Variants in FSHR observed in about 807,000 individuals in gnomAD.
FSHR encodes the protein follicle stimulating hormone receptor.
A neutral mutation model predicts 52.1 loss-of-function variants in FSHR; 46 were observed. The observed-to-expected ratio is 0.88, with a 90% CI of 0.70 to 1.13. The LOEUF is 1.13. Ranked by LOEUF, FSHR falls within the 50% of genes most tolerant of loss-of-function variation. The pLI is 0.00. For synonymous variants in FSHR, 399 were observed against 309.6 expected (o/e 1.29, Z -3.03); for missense variants, 964 against 834.6 (o/e 1.16, Z -1.91).
At chr2:49,133,755 A>T (rs1475020116) in intron 1 of FSHR, among the ~76,000 whole-genome samples, 1 of 152,190 alleles carries the variant, frequency 6.6e-6, no homozygotes, top group Non-Finnish European at 1.5e-5. Context: ...AGCCCTCAGA[A>T]ATAATACCAT....
At chr2:49,057,413 T>C (rs1336864986) in intron 2 of FSHR, among the ~76,000 whole-genome samples, 1 of 152,166 alleles carries the variant, frequency 6.6e-6, no homozygotes, top group East Asian at 1.9e-4. Context: ...TGAACAAGTA[T>C]ACACCAATAA....
Position 49,017,488 on chromosome 2 carries a change from C to T in FSHR, c.374+1G>A. ...GGGTACCAAACTACATGAGTTCTTA[C>T]AGATATTGAAGGTTGGGAAGGTTCT... On this transcript the variant is annotated splice_donor_variant, in intron 4 of 9. Transcript: ENST00000406846. LOFTEE classifies it high-confidence loss of function. The T allele has an allele frequency of 3.1e-6, 5 of 1,609,614 alleles. No homozygotes were observed. The highest frequency in any genetic ancestry group is 1.1e-5 in the South Asian group (1 of 90,984).
chr2:49,135,148 A>G (rs1247072777), intron 1 of FSHR, among the ~76,000 whole-genome samples: 1 of 152,212 alleles, frequency 6.6e-6, no homozygotes, highest in Non-Finnish European at 1.5e-5. Context: ...AGTTAATTCA[A>G]CAATAGGAGA....
intron 4 of FSHR, among the ~76,000 whole-genome samples, chr2:49,010,994 A>G (rs1667249022): frequency 2.7e-5 from 4 of 150,812 alleles, no homozygotes; most frequent in African/African-American, 4.9e-5. Context: ...TGGATTCATT[A>G]ATTTTTTGAA....
intron 2 of FSHR, among the ~76,000 whole-genome samples, chr2:49,024,444 C>T (rs1417275452): frequency 6.6e-6 from 1 of 151,980 alleles, no homozygotes; most frequent in Non-Finnish European, 1.5e-5. Context: ...CGTGGTGGTG[C>T]ATGCCTGTGC....
chr2:48,973,212 T>C (rs1453433380), intron 8 of FSHR, among the ~76,000 whole-genome samples: 1 of 152,164 alleles, frequency 6.6e-6, no homozygotes, highest in East Asian at 1.9e-4. Context: ...AGACAGGTCC[T>C]GGAGAATGAG....
At chr2:49,087,207 C>G (rs1053681171) in intron 1 of FSHR, among the ~76,000 whole-genome samples, 2 of 149,748 alleles carry the variant, frequency 1.3e-5, no homozygotes, top group Non-Finnish European at 1.5e-5. Context: ...AGATCCTCTT[C>G]TTTGTTCAAT....
At chr2:49,111,346 C>A (rs764297549) in intron 1 of FSHR, among the ~76,000 whole-genome samples, 5 of 152,228 alleles carry the variant, frequency 3.3e-5, no homozygotes, top group Non-Finnish European at 5.9e-5. Flanking sequence ...CCATTCTTCT[C>A]CCCAGGTGTT....
intron 2 of FSHR, among the ~76,000 whole-genome samples, chr2:49,031,457 C>T (rs1016252478): frequency 6.6e-6 from 1 of 152,178 alleles, no homozygotes; most frequent in African/African-American, 2.4e-5. Context: ...TATTTTCCTA[C>T]ACATGCCCCC....
intron 2 of FSHR, among the ~76,000 whole-genome samples, chr2:49,051,690 A>G (rs912947645): frequency 3.3e-5 from 5 of 151,910 alleles, no homozygotes; most frequent in Admixed American, 1.3e-4. Context: ...GTCTTTTGAA[A>G]AGCAGAAGTT....
intron 2 of FSHR, among the ~76,000 whole-genome samples, chr2:49,030,321 G>A (rs1247776735): frequency 7.0e-6 from 1 of 142,704 alleles, no homozygotes; most frequent in East Asian, 2.1e-4. Context: ...TGTGTTATTG[G>A]AGGCTGTCCT....
chr2:49,117,070 T>C (rs984726288), intron 1 of FSHR, among the ~76,000 whole-genome samples: 1 of 152,184 alleles, frequency 6.6e-6, no homozygotes, highest in Non-Finnish European at 1.5e-5. Context: ...CAGTTAGTGT[T>C]AGCTAGAATT....
intron 1 of FSHR, among the ~76,000 whole-genome samples, chr2:49,113,933 G>A (rs1297700284): frequency 1.3e-5 from 2 of 152,136 alleles, no homozygotes; most frequent in Non-Finnish European, 2.9e-5. Context: ...TCTCAAGTGA[G>A]CCTTGTCACC....
chr2:49,054,278 A>C (rs1373411631), intron 2 of FSHR, among the ~76,000 whole-genome samples: 1 of 152,152 alleles, frequency 6.6e-6, no homozygotes, highest in Non-Finnish European at 1.5e-5. Context: ...CTGTGTGCCC[A>C]TGTCTTGGCC....
chr2:49,016,402 G>A (rs1667490967), intron 4 of FSHR, among the ~76,000 whole-genome samples: 1 of 152,130 alleles, frequency 6.6e-6, no homozygotes, highest in South Asian at 2.1e-4. Context: ...AGAAGAGATA[G>A]TGTGCTAGTT....
At chr2:49,134,680 G>A (rs1672422360) in intron 1 of FSHR, among the ~76,000 whole-genome samples, 1 of 152,222 alleles carries the variant, frequency 6.6e-6, no homozygotes, top group Non-Finnish European at 1.5e-5. Flanking sequence ...GTCCATCAGT[G>A]ATAGACTGGA....
intron 4 of FSHR, among the ~76,000 whole-genome samples, chr2:49,012,556 T>G (rs747339636): frequency 1.2e-4 from 18 of 152,132 alleles, no homozygotes. Flanking sequence ...ACAACATTTT[T>G]AAGTACCCGT....
chr2:48,982,158 G>A (rs531863660), intron 8 of FSHR, among the ~76,000 whole-genome samples: 1 of 152,232 alleles, frequency 6.6e-6, no homozygotes, highest in Admixed American at 6.5e-5. Flanking sequence ...AAGGCCATGA[G>A]AGCCACGGGA....
chr2:48,990,799 A>AG, intron 4 of FSHR, among the ~76,000 whole-genome samples, 162 bp from the exon 5 acceptor site: 1 of 152,210 alleles, frequency 6.6e-6, no homozygotes, highest in East Asian at 1.9e-4. Context: ...TTCTATTTTA[A>AG]GGTTCGTTCC....
Sources: gnomAD v4.1 joint callset for allele counts (sites outside exome capture counted in the v4.1 genomes callset) on GRCh38, gnomAD v4.1.1 for gene constraint, MANE v1.5 for transcripts, NCBI Gene and HGNC (gene_info 2026-07-23, HGNC 2026-07-21) for gene names.